ZHX3: variants seen among roughly 807,000 people sequenced by gnomAD.
ZHX3 encodes the protein zinc fingers and homeoboxes protein 3.
Under a neutral mutation model 64.5 loss-of-function variants are expected in ZHX3, and 20 were observed. The ratio of observed to expected loss-of-function variants is 0.31; its 90% CI spans 0.22 to 0.45. The LOEUF is 0.45. Ranked by LOEUF, ZHX3 falls within the 20% of genes least tolerant of loss-of-function variation. The pLI is 1.00. For synonymous variants in ZHX3, 423 were observed against 461.6 expected, an observed-to-expected ratio of 0.92 and a Z score of 1.07; for missense variants, 1,041 against 1,195.8, an observed-to-expected ratio of 0.87 and a Z score of 1.91.
intron 2 of ZHX3, among the ~76,000 whole-genome samples, chr20:41,222,056 C>T (rs901011002): frequency 2.0e-5 from 3 of 152,182 alleles, no homozygotes; most frequent in Non-Finnish European, 4.4e-5. Flanking sequence ...CAGCATGGCT[C>T]TGCTGGCTAT....
intron 1 of ZHX3, among the ~76,000 whole-genome samples, chr20:41,301,320 A>C (rs2044794585): frequency 6.6e-6 from 1 of 151,944 alleles, no homozygotes; most frequent in African/African-American, 2.4e-5. Context: ...TTAAACTATA[A>C]ATCAGGCCAT....
rs749588207 is a variant in ZHX3 at position 41,232,743 on chromosome 20, G to T, written c.-150-27677C>A. Among the ~76,000 whole-genome samples the T allele has an allele frequency of 1.8e-4, 28 of 151,960 alleles. No homozygotes were observed. Among genetic ancestry groups the T allele is most frequent in the Non-Finnish European group, 2.5e-4 (17 of 67,942 alleles). The stretch of plus-strand genomic sequence containing the variant: ...GGGGACTACAGGCGCCCACCACCTC[G>T]CCCGGCTAATTTTTTGTATTTTTAG... On this transcript the variant is annotated intron_variant, in intron 2 of 3. Coordinates refer to ENST00000683867, the MANE Select transcript of ZHX3 (RefSeq NM_001384317.1). This position sits in a 1 kb window ranked among gnomAD's most constrained non-coding sequence, Gnocchi z 5.0.
chr20:41,204,547 G>T lies in ZHX3; in HGVS notation c.370C>A (p.Leu124Ile), dbSNP rs1357355799. The stretch of plus-strand genomic sequence containing the variant: ...TGACATGTGGCATTGTGCAAGGAAA[G>T]CCCCTCAGGGGTTTTTGCCAGAAAA... ...CSFLAKTPEGLSLHNATCHSG... is the reference protein window; with the variant it reads ...CSFLAKTPEGISLHNATCHSG... The change falls in exon 3 of 4, where the codon CTT becomes ATT. Residue 124 changes from leucine to isoleucine, a missense_variant. Transcript: ENST00000683867. This position sits in a 1 kb window ranked among gnomAD's most constrained non-coding sequence, Gnocchi z 6.6. The T allele has an allele frequency of 3.7e-6, 6 of 1,614,096 alleles. No individual in the cohort carries two copies. The African/African-American group carries it at 5.3e-5, about 14-fold the overall frequency.
At position 41,226,085 on chromosome 20, in the gene ZHX3, AC is replaced by A. The variant is rs562864648; in HGVS notation, c.-150-21020del. ...ACTACCACTACTAATACTACCAGAA[AC>A]CTAGCTAGCTAAAAAAAGTACTTAT... On this transcript the variant is annotated intron_variant, in intron 2 of 3. Coordinates refer to ENST00000683867, the MANE Select transcript of ZHX3 (RefSeq NM_001384317.1). This position sits in a 1 kb window ranked among gnomAD's most constrained non-coding sequence, Gnocchi z 4.4. Among the ~76,000 whole-genome samples, 22 of 152,108 alleles carry A rather than the reference AC, an allele frequency of 1.4e-4. No homozygotes were observed. In the East Asian group the frequency reaches 4.1e-3, roughly 28 times the overall value.
rs753440393 is a variant in ZHX3, at chr20:41,212,212, C to T, written c.-150-7146G>A. On this transcript the variant is annotated intron_variant, in intron 2 of 3. Transcript: ENST00000683867. The surrounding 1 kb of genome is among the most constrained non-coding windows in gnomAD (Gnocchi z 4.3). ...CAACCATAGAAAGATAATTTTTAAA[C>T]GGGTAAAGGATTTGAATAGACACTT... is the stretch of plus-strand genomic sequence containing the variant. Among the ~76,000 whole-genome samples, 7 of 151,964 alleles carry T rather than the reference C, an allele frequency of 4.6e-5. No homozygotes were observed. Among genetic ancestry groups the T allele is most frequent in the Admixed American group, 3.9e-4 (6 of 15,260 alleles).
chr20:41,231,573 A>AG (rs2040609127), intron 2 of ZHX3, among the ~76,000 whole-genome samples: 2 of 152,186 alleles, frequency 1.3e-5, no homozygotes, highest in African/African-American at 4.8e-5. Context: ...ATTTTTTTGT[A>AG]TGTGGCTGAC....
At chr20:41,235,573 C>G (rs1431030675) in intron 2 of ZHX3, among the ~76,000 whole-genome samples, 1 of 151,836 alleles carries the variant, frequency 6.6e-6, no homozygotes, top group Non-Finnish European at 1.5e-5. Flanking sequence ...ATTCAACAGC[C>G]CTTAATGCTA....
chr20:41,193,603 A>AT lies in ZHX3; in HGVS notation c.2861-8403dup, dbSNP rs201841928. Among the ~76,000 whole-genome samples, 1,095 of 151,040 alleles carry AT rather than the reference A, an allele frequency of 7.2e-3. 13 individuals carry two copies. The highest frequency in any genetic ancestry group is 0.025 in the African/African-American group (1,020 of 41,086). ...CACTGTGCCCAGCTAAATACAAATG[A>AT]TTTTTTTTGTTTTTATATCCTGCAG... On this transcript the variant is annotated intron_variant, in intron 3 of 3. Coordinates refer to ENST00000683867, the MANE Select transcript of ZHX3 (RefSeq NM_001384317.1).
chr20:41,215,883 C>T (rs2039495952), intron 2 of ZHX3, among the ~76,000 whole-genome samples: 2 of 147,082 alleles, frequency 1.4e-5, no homozygotes, highest in South Asian at 2.1e-4. Context: ...ACCCAGGAGG[C>T]GGAGCTTGCA....
Position 41,195,714 on chromosome 20 carries a change from CG to C in ZHX3, c.2860+6342del, listed in dbSNP as rs1319420926. ...TACAGGCATAAGCCACTGCGCCCAG[CG>C]TAAGTTCTCTTTTAATGTATGCATT... is the stretch of plus-strand genomic sequence containing the variant. On this transcript the variant is annotated intron_variant, in intron 3 of 3. Transcript: ENST00000683867. This position sits in a 1 kb window ranked among gnomAD's most constrained non-coding sequence, Gnocchi z 4.2. 6.6e-6 allele frequency among the ~76,000 whole-genome samples: 1 copy of C among 152,194 alleles called. No individual in the cohort carries two copies. Among genetic ancestry groups the C allele is most frequent in the Non-Finnish European group, 1.5e-5 (1 of 68,040 alleles).
In ZHX3 at chr20:41,209,090, G is replaced by C. The variant is rs1416227502; in HGVS notation, c.-150-4024C>G. ...AAATCATGAGTGAACTCCCATTCACGATTGCTTCAAAGAGAATAAAATACC... is the reference window on the plus strand; with the variant it reads ...AAATCATGAGTGAACTCCCATTCACCATTGCTTCAAAGAGAATAAAATACC... On this transcript the variant is annotated intron_variant, in intron 2 of 3. Coordinates refer to ENST00000683867, the MANE Select transcript of ZHX3 (RefSeq NM_001384317.1). 2.6e-5 allele frequency among the ~76,000 whole-genome samples: 4 copies of C among 152,020 alleles called. No homozygotes were observed. The East Asian group carries it at 5.8e-4, about 22-fold the overall frequency.
intron 2 of ZHX3, among the ~76,000 whole-genome samples, chr20:41,213,157 C>T (rs1476217698): frequency 6.6e-6 from 1 of 152,102 alleles, no homozygotes; most frequent in Non-Finnish European, 1.5e-5. Context: ...AAAGGCAAAT[C>T]CATAGAGGCA....
At chr20:41,259,635 G>C (rs1326214220) in intron 2 of ZHX3, among the ~76,000 whole-genome samples, 1 of 152,184 alleles carries the variant, frequency 6.6e-6, no homozygotes, top group South Asian at 2.1e-4. Context: ...TTGGTAAGAT[G>C]AAGGGAGAGA....
intron 2 of ZHX3, among the ~76,000 whole-genome samples, chr20:41,230,165 G>T (rs889842065): frequency 6.6e-6 from 1 of 151,686 alleles, no homozygotes; most frequent in Non-Finnish European, 1.5e-5. Flanking sequence ...ATAATATTTT[G>T]CATATATTGG....
intron 1 of ZHX3, among the ~76,000 whole-genome samples, chr20:41,305,314 G>A (rs1285186308): frequency 6.6e-6 from 1 of 152,152 alleles, no homozygotes; most frequent in Non-Finnish European, 1.5e-5. Context: ...GATCCCAGGT[G>A]AAACCCTGCC....
intron 1 of ZHX3, among the ~76,000 whole-genome samples, chr20:41,275,846 C>G (rs1377497396): frequency 6.6e-6 from 1 of 152,222 alleles, no homozygotes; most frequent in African/African-American, 2.4e-5. Flanking sequence ...ATTTCTTCAG[C>G]TCTAGTTGCA....
intron 2 of ZHX3, among the ~76,000 whole-genome samples, chr20:41,258,265 CAG>C (rs1378258378): frequency 7.2e-5 from 11 of 152,140 alleles, no homozygotes; most frequent in African/African-American, 2.2e-4. Flanking sequence ...AAAAATCGTA[CAG>C]AGTTTCCATA....
chr20:41,187,288 C>T lies in ZHX3; in HGVS notation c.2861-2087G>A, dbSNP rs186623422. Among the ~76,000 whole-genome samples, 134 of 133,082 alleles carry T rather than the reference C, an allele frequency of 1.0e-3. 1 individual carries two copies. The highest frequency in any genetic ancestry group is 3.5e-3 in the African/African-American group (122 of 34,842). The allele number at this position is 133,082 out of a possible 152,430, so 87.3% of individuals were successfully genotyped here. ...TGAAACTGCAGTAGGTTTGATTGTA[C>T]CACTGCACTCCAGCAACAGAGCAAG... On this transcript the variant is annotated intron_variant, in intron 3 of 3. Transcript: ENST00000683867.
intron 2 of ZHX3, among the ~76,000 whole-genome samples, chr20:41,248,706 C>CCCCG (rs2146494096): frequency 6.6e-6 from 1 of 152,298 alleles, no homozygotes; most frequent in Non-Finnish European, 1.5e-5. Flanking sequence ...AAGCTCCCTC[C>CCCCG]TCTGTGGAAT....
Sources: gnomAD v4.1 joint callset for allele counts (sites outside exome capture counted in the v4.1 genomes callset) on GRCh38, gnomAD v4.1.1 for gene constraint, Gnocchi (gnomAD v3.1) non-coding constraint, MANE v1.5 for transcripts, NCBI Gene and HGNC (gene_info 2026-07-23, HGNC 2026-07-21) for gene names.